IL1RAPL1: variants seen among roughly 807,000 people sequenced by gnomAD.
IL1RAPL1 encodes interleukin 1 receptor accessory protein like 1.
Under a neutral mutation model 48.4 loss-of-function variants are expected in IL1RAPL1, and 3 were observed. The observed-to-expected ratio is 0.06, with a 90% CI of 0.03 to 0.16. The LOEUF is 0.16. Ranked by LOEUF, IL1RAPL1 falls within the 10% of genes least tolerant of loss-of-function variation. The probability of loss-of-function intolerance (pLI) is 1.00; values close to 1 mark genes in which losing one functional copy is unlikely to be tolerated. For missense variants in IL1RAPL1, 349 were observed against 530.6 expected (o/e 0.66, Z 3.36); for synonymous variants, 185 against 187.7 (o/e 0.99, Z 0.12).
chrX:29,280,161 G>A lies in IL1RAPL1; in HGVS notation c.83-2777G>A, dbSNP rs1183091191. 4.5e-5 allele frequency among the ~76,000 whole-genome samples: 5 copies of A among 111,991 alleles called. No homozygotes were observed. The East Asian group carries it at 1.1e-3, about 25-fold the overall frequency. ...AATTACCACCTAGGATTCATTTTAT[G>A]TAATGGGAAAATATACAAAACTGTT... On this transcript the variant is annotated intron_variant, in intron 2 of 10. Transcript: ENST00000378993.
At chrX:29,766,487 A>G (rs1319568755) in intron 6 of IL1RAPL1, among the ~76,000 whole-genome samples, 5 of 96,234 alleles carry the variant, frequency 5.2e-5, no homozygotes, top group Non-Finnish European at 1.0e-4. Context: ...AAATATATAT[A>G]TATATTTATA....
chrX:29,168,341 C>G (rs1836328919), intron 2 of IL1RAPL1, among the ~76,000 whole-genome samples: 1 of 106,209 alleles, frequency 9.4e-6, no homozygotes, highest in South Asian at 4.2e-4. Flanking sequence ...CCCAAGAACC[C>G]CCTCCCACAT....
At chrX:28,863,905 G>A (rs187034388) in intron 2 of IL1RAPL1, among the ~76,000 whole-genome samples, 88 of 111,053 alleles carry the variant, frequency 7.9e-4, no homozygotes, top group African/African-American at 2.8e-3. Flanking sequence ...GATATACATT[G>A]GTTTACTGTT....
At chrX:29,878,872 A>G (rs1045378152) in intron 6 of IL1RAPL1, among the ~76,000 whole-genome samples, 1 of 111,795 alleles carries the variant, frequency 8.9e-6, no homozygotes, top group African/African-American at 3.2e-5. Context: ...TACACTTACC[A>G]TATGACCCAG....
rs533038663 is a variant in IL1RAPL1, at chrX:28,952,840, T to C, written c.82+163415T>C. Among the ~76,000 whole-genome samples, 8 of 111,702 alleles carry C rather than the reference T, an allele frequency of 7.2e-5. No homozygotes were observed. In the South Asian group the frequency reaches 2.9e-3, roughly 41 times the overall value. The stretch of plus-strand genomic sequence containing the variant: ...ATAATGATATTTATCTCCATTTTAT[T>C]TCTGGCTTTTACTTTGATATTAACA... On this transcript the variant is annotated intron_variant, in intron 2 of 10. Coordinates refer to ENST00000378993, the MANE Select transcript of IL1RAPL1 (RefSeq NM_014271.4).
At chrX:28,970,031 G>T (rs1179662390) in intron 2 of IL1RAPL1, among the ~76,000 whole-genome samples, 1 of 107,146 alleles carries the variant, frequency 9.3e-6, no homozygotes, top group Non-Finnish European at 1.9e-5. Flanking sequence ...ATAAAGTTTT[G>T]CTCTTGTTGC....
At chrX:29,140,906 T>C (rs1345211239) in intron 2 of IL1RAPL1, among the ~76,000 whole-genome samples, 2 of 111,225 alleles carry the variant, frequency 1.8e-5, no homozygotes, top group African/African-American at 3.3e-5. Flanking sequence ...GTTACATTGG[T>C]GATTAGGTTT....
At chrX:29,216,164 T>C (rs1036388113) in intron 2 of IL1RAPL1, among the ~76,000 whole-genome samples, 4 of 111,250 alleles carry the variant, frequency 3.6e-5, no homozygotes, top group African/African-American at 1.3e-4. Flanking sequence ...GTTTTTTTGT[T>C]GTTATTGTTG....
rs533737863 is a variant in IL1RAPL1, at chrX:28,820,700, C to T, written c.82+31275C>T. 1.5e-4 allele frequency among the ~76,000 whole-genome samples: 17 copies of T among 111,006 alleles called. No homozygotes were observed. The South Asian group carries it at 5.7e-3, about 37-fold the overall frequency. On this transcript the variant is annotated intron_variant, in intron 2 of 10. Coordinates refer to ENST00000378993, the MANE Select transcript of IL1RAPL1 (RefSeq NM_014271.4). ...TCAGGGAAGCTAGCATTTGAGTTCACGAAATCAGAATGTTGGATGATCAGG... is the reference window on the plus strand; with the variant it reads ...TCAGGGAAGCTAGCATTTGAGTTCATGAAATCAGAATGTTGGATGATCAGG...
intron 6 of IL1RAPL1, among the ~76,000 whole-genome samples, chrX:29,901,241 G>A (rs546996503): frequency 1.8e-5 from 2 of 112,118 alleles, no homozygotes; most frequent in African/African-American, 6.5e-5. Flanking sequence ...TGCAAGAGAA[G>A]CTAAGAAATG....
At chrX:28,679,958 T>C (rs765879839) in intron 1 of IL1RAPL1, among the ~76,000 whole-genome samples, 21 of 111,970 alleles carry the variant, frequency 1.9e-4, no homozygotes, top group Non-Finnish European at 3.2e-4. Flanking sequence ...TGGTTCTATA[T>C]GAATTTTAAG....
At chrX:28,689,207 A>G (rs749229204) in intron 1 of IL1RAPL1, among the ~76,000 whole-genome samples, 1 of 110,960 alleles carries the variant, frequency 9.0e-6, no homozygotes, top group Non-Finnish European at 1.9e-5. Flanking sequence ...TCCCCACCCA[A>G]AATCTCACCT....
chrX:29,157,813 G>C (rs1223435744), intron 2 of IL1RAPL1, among the ~76,000 whole-genome samples: 2 of 111,699 alleles, frequency 1.8e-5, no homozygotes, highest in East Asian at 5.6e-4. Context: ...TTTTAGCTCA[G>C]TGACTAGTGT....
chrX:28,799,710 G>A, intron 2 of IL1RAPL1, among the ~76,000 whole-genome samples: 1 of 112,181 alleles, frequency 8.9e-6, no homozygotes, highest in Non-Finnish European at 1.9e-5. Context: ...TACATATACT[G>A]AGGGCCTGAA....
At chrX:29,673,651 T>A (rs1367665381) in intron 6 of IL1RAPL1, among the ~76,000 whole-genome samples, 3 of 112,187 alleles carry the variant, frequency 2.7e-5, no homozygotes, top group Admixed American at 1.9e-4. Flanking sequence ...TTCTAGTGCC[T>A]GAAATAAACC....
At chrX:28,732,773 G>A (rs1176759354) in intron 1 of IL1RAPL1, among the ~76,000 whole-genome samples, 1 of 111,203 alleles carries the variant, frequency 9.0e-6, no homozygotes, top group East Asian at 2.8e-4. Flanking sequence ...GGAGACTGAG[G>A]CAGGAGAATT....
At chrX:29,616,368 G>A (rs374373764) in intron 5 of IL1RAPL1, among the ~76,000 whole-genome samples, 1 of 107,669 alleles carries the variant, frequency 9.3e-6, no homozygotes, top group East Asian at 2.9e-4. Flanking sequence ...TAGGGTACAT[G>A]TGCGCAATGT....
intron 6 of IL1RAPL1, among the ~76,000 whole-genome samples, chrX:29,792,240 A>T (rs1254880535): frequency 8.9e-6 from 1 of 112,197 alleles, no homozygotes; most frequent in African/African-American, 3.2e-5. Flanking sequence ...CCTTGCAAAT[A>T]GCAAAGGAAC....
chrX:29,297,708 A>G (rs775338974), intron 3 of IL1RAPL1, among the ~76,000 whole-genome samples: 1 of 112,548 alleles, frequency 8.9e-6, no homozygotes, highest in East Asian at 2.8e-4. Context: ...AGAAATACTG[A>G]AAATCGAGCT....
Sources: allele counts gnomAD v4.1 joint callset (sites outside exome capture counted in the v4.1 genomes callset), GRCh38; gene constraint gnomAD v4.1.1; transcripts MANE v1.5; gene names NCBI Gene and HGNC (gene_info 2026-07-23, HGNC 2026-07-21).